RHBDL2: variants seen among roughly 807,000 people sequenced by gnomAD.
RHBDL2 encodes the protein rhomboid-related protein 2.
RHBDL2 carries 26 observed loss-of-function variants against 31.7 expected under a neutral mutation model. The ratio of observed to expected loss-of-function variants is 0.82; its 90% CI spans 0.60 to 1.14. RHBDL2 has a LOEUF of 1.14. Ranked by LOEUF, RHBDL2 falls within the 50% of genes most tolerant of loss-of-function variation. The pLI is 0.00. For missense variants in RHBDL2, 336 were observed against 364.4 expected, an observed-to-expected ratio of 0.92 and a Z score of 0.63; for synonymous variants, 123 against 127.2, an observed-to-expected ratio of 0.97 and a Z score of 0.22.
chr1:38,932,634 AT>A (rs894990801), intron 1 of RHBDL2, among the ~76,000 whole-genome samples: 1 of 152,028 alleles, frequency 6.6e-6, no homozygotes, highest in Non-Finnish European at 1.5e-5. Flanking sequence ...TAATTTTCGC[AT>A]TTTTTGTAGA....
chr1:38,926,265 G>A lies in RHBDL2; in HGVS notation c.-125-6928C>T, dbSNP rs923332106. On this transcript the variant is annotated intron_variant, in intron 1 of 7. Transcript: ENST00000372990. ...TCCAGTGTCCAGACGCCTTGCCACT[G>A]GGGTCAGCATGGCATCCAGCATCCA... 4.9e-6 allele frequency: 5 copies of A among 1,019,868 alleles called. No homozygotes were observed. In the African/African-American group the frequency reaches 8.5e-5, roughly 17 times the overall value. The allele number at this position is 1,019,868 out of a possible 1,614,324, so 63.2% of individuals were successfully genotyped here. A position where few individuals can be genotyped will look rare whatever the true frequency, so the allele number is the denominator to read the frequency against.
At chr1:38,922,550 T>C (rs1179847368) in intron 1 of RHBDL2, among the ~76,000 whole-genome samples, 1 of 119,890 alleles carries the variant, frequency 8.3e-6, no homozygotes, top group African/African-American at 3.4e-5. Flanking sequence ...ATTACAAGTG[T>C]GAGCCACTGC....
intron 4 of RHBDL2, among the ~76,000 whole-genome samples, chr1:38,897,636 G>A (rs186896703): frequency 1.1e-4 from 17 of 152,258 alleles, no homozygotes; most frequent in Admixed American, 9.2e-4. Context: ...GATCACTTGA[G>A]CCCAGGAGTT....
chr1:38,925,718 C>T (rs1186654451), intron 1 of RHBDL2, among the ~76,000 whole-genome samples: 1 of 152,104 alleles, frequency 6.6e-6, no homozygotes, highest in African/African-American at 2.4e-5. Context: ...TGTCTTATAC[C>T]TCCCCACTTT....
intron 1 of RHBDL2, among the ~76,000 whole-genome samples, chr1:38,931,968 T>C (rs1643443945): frequency 6.6e-6 from 1 of 152,220 alleles, no homozygotes; most frequent in Non-Finnish European, 1.5e-5. Flanking sequence ...GGGCCAGCCC[T>C]GTGACTGGTT....
intron 1 of RHBDL2, among the ~76,000 whole-genome samples, chr1:38,941,014 CAGCTTGT>C (rs1643554423): frequency 1.3e-5 from 2 of 152,204 alleles, no homozygotes; most frequent in Non-Finnish European, 2.9e-5. Flanking sequence ...TGCTGCCCAC[CAGCTTGT>C]AGATGACCAT....
intron 2 of RHBDL2, among the ~76,000 whole-genome samples, chr1:38,916,693 C>CA (rs1286281973): frequency 1.0e-4 from 14 of 134,692 alleles, no homozygotes; most frequent in African/African-American, 2.4e-4. Context: ...ACTAAAAATA[C>CA]AAAAAAAACA....
chr1:38,906,093 A>G (rs1212275216), intron 4 of RHBDL2, among the ~76,000 whole-genome samples: 2 of 152,156 alleles, frequency 1.3e-5, no homozygotes, highest in East Asian at 3.9e-4. Flanking sequence ...ACTTACAGCT[A>G]ACATTACATT....
chr1:38,912,898 ATATATATATATATGTGTGTGTG>A (rs766312603), intron 3 of RHBDL2, among the ~76,000 whole-genome samples: 1,656 of 84,150 alleles, frequency 0.02, 40 homozygotes, highest in Admixed American at 0.076. Context: ...ATATATATAT[ATATATATATATATGTGTGTGTG>A]TGTGTGTGTG....
At chr1:38,886,800 G>A in intron 7 of RHBDL2, 117 bp from the exon 8 acceptor site, 2 of 796,062 alleles carry the variant, frequency 2.5e-6, no homozygotes, top group South Asian at 6.5e-5. Context: ...AGTCTTAAAG[G>A]TCTAGAGAAC....
intron 1 of RHBDL2, among the ~76,000 whole-genome samples, chr1:38,930,603 G>A (rs1329732204): frequency 6.6e-6 from 1 of 152,068 alleles, no homozygotes; most frequent in Non-Finnish European, 1.5e-5. Flanking sequence ...TCAAAGCTGT[G>A]GTGTGCGCAC....
At chr1:38,933,650 A>G (rs181649780) in intron 1 of RHBDL2, among the ~76,000 whole-genome samples, 2 of 152,030 alleles carry the variant, frequency 1.3e-5, no homozygotes, top group African/African-American at 2.4e-5. Context: ...CCCCTCACCT[A>G]ACCAGAAACT....
intron 1 of RHBDL2, among the ~76,000 whole-genome samples, chr1:38,936,864 C>A (rs558441565): frequency 1.3e-5 from 2 of 152,066 alleles, no homozygotes; most frequent in Admixed American, 6.6e-5. Flanking sequence ...GAACTCCTGA[C>A]CTCAAGTCAT....
chr1:38,887,736 T>C (rs573568702), intron 7 of RHBDL2, among the ~76,000 whole-genome samples: 1 of 152,260 alleles, frequency 6.6e-6, no homozygotes, highest in East Asian at 1.9e-4. Context: ...CTCTCCTGTT[T>C]TGGAATAGCT....
intron 5 of RHBDL2, among the ~76,000 whole-genome samples, chr1:38,895,755 A>G (rs750431614): frequency 6.6e-6 from 1 of 152,162 alleles, no homozygotes; most frequent in Non-Finnish European, 1.5e-5. Context: ...GTGAGCCATT[A>G]TCACACCACT....
At chr1:38,916,371 T>A (rs1643235482) in intron 2 of RHBDL2, among the ~76,000 whole-genome samples, 1 of 151,846 alleles carries the variant, frequency 6.6e-6, no homozygotes, top group Non-Finnish European at 1.5e-5. Flanking sequence ...ACTATCAGAG[T>A]CATGAAAAAC....
At chr1:38,914,519 G>C (rs1643202252) in intron 3 of RHBDL2, among the ~76,000 whole-genome samples, 1 of 151,846 alleles carries the variant, frequency 6.6e-6, no homozygotes, top group African/African-American at 2.4e-5. Context: ...TGGGATTACA[G>C]GTGTGAGGCA....
chr1:38,891,525 T>A (rs772636355), intron 6 of RHBDL2, among the ~76,000 whole-genome samples: 1 of 152,204 alleles, frequency 6.6e-6, no homozygotes, highest in Non-Finnish European at 1.5e-5. Flanking sequence ...TGTCCTCTGA[T>A]TCTGGGTGTG....
At chr1:38,929,605 C>T (rs1056908360) in intron 1 of RHBDL2, 1 of 1,271,280 alleles carries the variant, frequency 7.9e-7, no homozygotes, top group South Asian at 1.3e-5. Flanking sequence ...GGGGCTGAGA[C>T]CCGCCTTGAT....
Sources: allele counts gnomAD v4.1 joint callset (sites outside exome capture counted in the v4.1 genomes callset), GRCh38; gene constraint gnomAD v4.1.1; transcripts MANE v1.5; gene names NCBI Gene and HGNC (gene_info 2026-07-23, HGNC 2026-07-21).